The following SPATA7 variants were observed in gnomAD, a reference collection of about 807,000 sequenced individuals.
SPATA7 encodes the protein spermatogenesis-associated protein 7.
Under a neutral mutation model 51.8 loss-of-function variants are expected in SPATA7, and 43 were observed. That is an observed-to-expected ratio of 0.83 (90% CI 0.65 to 1.07). The LOEUF (loss-of-function observed/expected upper bound fraction) is 1.07. Among genes scored for constraint, SPATA7 ranks in the 50% least tolerant of loss-of-function variants. The probability of loss-of-function intolerance (pLI) is 0.00; values close to 1 mark genes in which losing one functional copy is unlikely to be tolerated. For synonymous variants in SPATA7, 230 were observed against 252.8 expected, an observed-to-expected ratio of 0.91 and a Z score of 0.86; for missense variants, 683 against 701.3, an observed-to-expected ratio of 0.97 and a Z score of 0.30.
At position 88,386,089 on chromosome 14, in the gene SPATA7, C is replaced by T. The variant is rs564094442; in HGVS notation, c.19+252C>T. 15 of 1,376,402 alleles carry T rather than the reference C, an allele frequency of 1.1e-5. No homozygotes were observed. In the South Asian group the frequency reaches 2.3e-4, roughly 21 times the overall value. The allele number at this position is 1,376,402 out of a possible 1,614,324, so 85.3% of individuals were successfully genotyped here. Reference sequence around the variant, plus strand: ...ACACCAGGGGCCCCTGTCTCCTGAACTCAGGGTCGTGCAGCCTTTAAAACC... The same window carrying T: ...ACACCAGGGGCCCCTGTCTCCTGAATTCAGGGTCGTGCAGCCTTTAAAACC... On this transcript the variant is annotated intron_variant, in intron 1 of 11. Coordinates refer to ENST00000393545, the MANE Select transcript of SPATA7 (RefSeq NM_018418.5).
intron 2 of SPATA7, among the ~76,000 whole-genome samples, chr14:88,392,309 T>G (rs562391339): frequency 1.1e-4 from 16 of 152,230 alleles, no homozygotes; most frequent in South Asian, 4.1e-4. Context: ...AATATATATA[T>G]AGAGCTGGTA....
intron 5 of SPATA7, among the ~76,000 whole-genome samples, chr14:88,424,299 A>T (rs2076730607): frequency 1.3e-5 from 2 of 152,212 alleles, no homozygotes. Context: ...TTTATACTGT[A>T]GTCTACTGGT....
intron 3 of SPATA7, among the ~76,000 whole-genome samples, chr14:88,448,904 C>A (rs1294402260): frequency 6.6e-6 from 1 of 152,138 alleles, no homozygotes; most frequent in Non-Finnish European, 1.5e-5. Context: ...CAGACTGGGA[C>A]ATTTTTTTGT....
intron 1 of SPATA7, 68 bp from the exon 2 acceptor site, chr14:88,391,313 A>G (rs2075737894): frequency 8.3e-7 from 1 of 1,210,604 alleles, no homozygotes; most frequent in Admixed American, 1.8e-5. Flanking sequence ...AAAATATTGA[A>G]TATTGTTGTT....
At chr14:88,393,510 C>T in intron 3 of SPATA7, 22 bp downstream of exon 3, 2 of 1,516,142 alleles carry the variant, frequency 1.3e-6, no homozygotes, top group Non-Finnish European at 1.8e-6. Context: ...CAAATGTGAA[C>T]TCTCTGTACT....
chr14:88,406,450 A>C (rs893447008), intron 4 of SPATA7, among the ~76,000 whole-genome samples: 1 of 140,632 alleles, frequency 7.1e-6, no homozygotes, highest in Non-Finnish European at 1.5e-5. Context: ...TTTTTTTTTT[A>C]GCATTCTATT....
In SPATA7 at chr14:88,396,150, T is replaced by A. The variant is rs764345380; in HGVS notation, c.191-6T>A. Reference sequence around the variant, plus strand: ...ATATTATTAAACTATTACCTTTCTCTTTCAGCTGCAGTAGACTGCTCGGTT... The same window carrying A: ...ATATTATTAAACTATTACCTTTCTCATTCAGCTGCAGTAGACTGCTCGGTT... On this transcript the variant is annotated splice_region_variant and splice_polypyrimidine_tract_variant and intron_variant, in intron 3 of 11. Coordinates refer to ENST00000393545, the MANE Select transcript of SPATA7 (RefSeq NM_018418.5). 6.2e-7 allele frequency: 1 copy of A among 1,607,070 alleles called. No individual in the cohort carries two copies. The highest frequency in any genetic ancestry group is 2.2e-5 in the East Asian group (1 of 44,758).
intron 3 of SPATA7, among the ~76,000 whole-genome samples, chr14:88,445,409 T>C (rs1360409474): frequency 3.3e-5 from 5 of 152,202 alleles, no homozygotes; most frequent in Non-Finnish European, 1.5e-5. Context: ...GTTTTCTAGA[T>C]ATACAATCAT....
At chr14:88,402,250 C>T (rs2076081268) in intron 4 of SPATA7, among the ~76,000 whole-genome samples, 1 of 152,036 alleles carries the variant, frequency 6.6e-6, no homozygotes, top group East Asian at 1.9e-4. Flanking sequence ...CACTGCAATC[C>T]CTATAGAAAT....
intron 4 of SPATA7, among the ~76,000 whole-genome samples, chr14:88,414,082 A>G (rs1043955824): frequency 3.9e-5 from 6 of 152,112 alleles, no homozygotes; most frequent in Admixed American, 3.9e-4. Context: ...GTTTCATAGA[A>G]TGAGTTAGGG....
At chr14:88,451,188 A>G (rs183192082) in intron 3 of SPATA7, among the ~76,000 whole-genome samples, 1 of 152,144 alleles carries the variant, frequency 6.6e-6, no homozygotes, top group Non-Finnish European at 1.5e-5. Flanking sequence ...TTTCGTTTTG[A>G]GATGGAGATT....
intron 4 of SPATA7, among the ~76,000 whole-genome samples, chr14:88,462,720 G>A (rs960691630): frequency 5.3e-5 from 8 of 152,116 alleles, no homozygotes; most frequent in South Asian, 2.1e-4. Context: ...TTTAAAGTGC[G>A]TTTATTTGAC....
chr14:88,451,487 T>C (rs1382722210), intron 3 of SPATA7, among the ~76,000 whole-genome samples: 1 of 151,878 alleles, frequency 6.6e-6, no homozygotes, highest in Admixed American at 6.6e-5. Flanking sequence ...TTTTTACTTA[T>C]GCTATTTCAC....
At chr14:88,466,286 AATTTT>A (rs2140069354) in intron 4 of SPATA7, 1 of 152,246 alleles carries the variant, frequency 6.6e-6, no homozygotes, top group East Asian at 1.9e-4. Flanking sequence ...AAAAATGTAA[AATTTT>A]AATTTTGTTC....
In SPATA7 at chr14:88,431,021, G is replaced by A. The variant is rs28656069; in HGVS notation, c.1029-151G>A. On this transcript the variant is annotated intron_variant, in intron 8 of 11. Transcript: ENST00000393545. ...GATGCTCAACTACTAAGTATATAAT[G>A]GAAATATTCCAAAATCCAAATTCTG... 3.4e-3 allele frequency: 2,671 copies of A among 782,234 alleles called. 50 individuals are homozygous for A. In the African/African-American group the frequency reaches 0.039, roughly 12 times the overall value. The allele number at this position is 782,234 out of a possible 1,614,324, so 48.5% of individuals were successfully genotyped here.
At chr14:88,385,909 G>A (rs1198863126) in intron 1 of SPATA7, 72 bp downstream of exon 1, 3 of 1,537,190 alleles carry the variant, frequency 2.0e-6, no homozygotes, top group South Asian at 2.4e-5. Flanking sequence ...CCTCGGGTCC[G>A]GGCAGCTGAG....
At chr14:88,438,593 G>C, downstream of SPATA7, 1 of 677,366 alleles carries the variant, frequency 1.5e-6, no homozygotes, top group Non-Finnish European at 2.6e-6. Context: ...CAGTTTTGTG[G>C]ATCAGGAGTG....
At chr14:88,429,890 C>CTATT (rs57390600) in intron 8 of SPATA7, among the ~76,000 whole-genome samples, 2,776 of 143,482 alleles carry the variant, frequency 0.019, 66 homozygotes, top group African/African-American at 0.049. Context: ...TATGAAGACA[C>CTATT]TATTTATTTA....
chr14:88,390,254 A>AT (rs2075703800), intron 1 of SPATA7, among the ~76,000 whole-genome samples: 9 of 149,904 alleles, frequency 6.0e-5, no homozygotes, highest in Non-Finnish European at 1.0e-4. Flanking sequence ...CTAAAATGGG[A>AT]ATTTTTTTTT....
Sources: allele counts gnomAD v4.1 joint callset (sites outside exome capture counted in the v4.1 genomes callset), GRCh38; gene constraint gnomAD v4.1.1; transcripts MANE v1.5; gene names NCBI Gene and HGNC (gene_info 2026-07-23, HGNC 2026-07-21).